The following NHLH1 variants were observed in gnomAD, a reference collection of about 807,000 sequenced individuals.
The protein encoded by NHLH1 is nescient helix-loop-helix 1.
In NHLH1, 3 loss-of-function variants were observed where a neutral mutation model predicts 6.7. The observed-to-expected ratio is 0.44, with a 90% confidence interval of 0.20 to 1.15. The LOEUF (loss-of-function observed/expected upper bound fraction) is 1.15. Among genes scored for constraint, NHLH1 ranks in the 50% most tolerant of loss-of-function variants. The pLI, the probability that NHLH1 is intolerant of heterozygous loss-of-function variation, is 0.26. For missense variants in NHLH1, 177 were observed against 189.5 expected (o/e 0.93, Z 0.39); for synonymous variants, 92 against 84.2 (o/e 1.09, Z -0.51).
At position 160,370,914 on chromosome 1, in the gene NHLH1, G is replaced by C. The variant is rs774099082; in HGVS notation, c.183G>C (p.Leu61=). 1.9e-6 allele frequency: 3 copies of C among 1,607,052 alleles called. No individual in the cohort carries two copies. In the Admixed American group the frequency reaches 5.1e-5, roughly 27 times the overall value. The change falls in exon 2 of 2, where the codon CTG becomes CTC. Residue 61 remains leucine, a synonymous_variant. Coordinates refer to ENST00000302101, the MANE Select transcript of NHLH1 (RefSeq NM_005598.4). ...CTGGCCGGAAAGACCTGCAGCATCT[G>C]AGCCGCGAGGAGCGCCGGCGCCGGC... ...GEPGRKDLQH[L]SREERRRRRR...
intron 1 of NHLH1, among the ~76,000 whole-genome samples, chr1:160,369,281 T>A (rs1338115108): frequency 6.6e-6 from 1 of 152,250 alleles, no homozygotes; most frequent in Non-Finnish European, 1.5e-5. Context: ...ACTTCCTTTT[T>A]AGGGCTGAAT....
intron 1 of NHLH1, among the ~76,000 whole-genome samples, chr1:160,368,093 T>C (rs1383670634): frequency 6.6e-6 from 1 of 152,234 alleles, no homozygotes; most frequent in Non-Finnish European, 1.5e-5. Context: ...TGGCTTGACT[T>C]GAACCTATCT....
In NHLH1 at chr1:160,372,756, G is replaced by C. The variant is rs914943044; in HGVS notation, c.*1623G>C. On this transcript the variant is annotated 3_prime_UTR_variant, in exon 2 of 2. Coordinates refer to ENST00000302101, the MANE Select transcript of NHLH1 (RefSeq NM_005598.4). ...ATACTCCCAAGAGCAGGCCCCAGGG[G>C]TCTGTGTCACATATCTCTGTGTGAT... 2 of 166,670 alleles carry C rather than the reference G, an allele frequency of 1.2e-5. No homozygotes were observed. Among genetic ancestry groups the C allele is most frequent in the African/African-American group, 4.8e-5 (2 of 41,390 alleles). 10.3% of individuals were successfully genotyped at this position (166,670 alleles called of 1,614,324 possible).
chr1:160,370,889 C>CTGG lies in NHLH1; in HGVS notation c.159_161dup (p.Gly54dup). ...GCCCGAGGCCCAGAGCCGGGAGAGC[C>CTGG]TGGCCGGAAAGACCTGCAGCATCTG... On this transcript the variant is annotated inframe_insertion, in exon 2 of 2. Coordinates refer to ENST00000302101, the MANE Select transcript of NHLH1 (RefSeq NM_005598.4). 1 of 1,606,992 alleles carries CTGG rather than the reference C, an allele frequency of 6.2e-7. No individual in the cohort carries two copies. The highest frequency in any genetic ancestry group is 8.5e-7 in the Non-Finnish European group (1 of 1,176,828).
At chr1:160,370,361 T>C (rs1649593891) in intron 1 of NHLH1, among the ~76,000 whole-genome samples, 196 bp from the exon 2 acceptor site, 1 of 152,012 alleles carries the variant, frequency 6.6e-6, no homozygotes, top group South Asian at 2.1e-4. Context: ...CGTCCTCCTC[T>C]TCCTTTCACC....
Position 160,370,821 on chromosome 1 carries a change from G to A in NHLH1, c.90G>A (p.Ala30=), listed in dbSNP as rs374168177. 2.1e-4 allele frequency: 340 copies of A among 1,610,386 alleles called. No homozygotes were observed. In the African/African-American group the frequency reaches 2.5e-3, roughly 12 times the overall value. The change falls in exon 2 of 2, where the codon GCG becomes GCA. Residue 30 remains alanine, a synonymous_variant. Transcript: ENST00000302101. ...ESGFSDCGGG[A]GPDGAGPGGP... is the part of the protein sequence containing the mutation. ...GCTTCAGTGACTGTGGGGGCGGGGC[G>A]GGCCCTGATGGTGCCGGGCCTGGGG...
In NHLH1 at chr1:160,370,747, G is replaced by A. The variant is rs1245227869; in HGVS notation, c.16G>A (p.Asp6Asn). MMLNSDTMELDLPPTH... is the reference protein window; with the variant it reads MMLNSNTMELDLPPTH... ...GGCTTCCATCATGATGCTCAACTCA[G>A]ACACCATGGAGCTGGACCTGCCGCC... Residue 6 changes from aspartate to asparagine, a missense_variant, in exon 2 of 2, where the codon GAC becomes AAC. Physicochemically the swap from Asp to Asn is conservative, Grantham distance 23 (BLOSUM62 1). Transcript: ENST00000302101. 1 of 1,612,918 alleles carries A rather than the reference G, an allele frequency of 6.2e-7. No homozygotes were observed. The highest frequency in any genetic ancestry group is 1.7e-5 in the Admixed American group (1 of 60,006).
rs1204611585 is a variant in NHLH1, at chr1:160,371,097, C to T, written c.366C>T (p.Cys122=). The change falls in exon 2 of 2, where the codon TGC becomes TGT. Residue 122 remains cysteine, a synonymous_variant. Transcript: ENST00000302101. ...TTGAGATTCTGCGCCTGGCCATCTG[C>T]TATATCTCCTACCTGAACCACGTGC... ...SKIEILRLAI[C]YISYLNHVLD... The T allele has an allele frequency of 2.5e-6, 4 of 1,613,404 alleles. No homozygotes were observed. Among genetic ancestry groups the T allele is most frequent in the Non-Finnish European group, 3.4e-6 (4 of 1,179,712 alleles).
Position 160,371,437 on chromosome 1 carries a change from G to A in NHLH1, c.*304G>A, listed in dbSNP as rs1170275523. 4.9e-5 allele frequency: 15 copies of A among 308,670 alleles called. No individual in the cohort carries two copies. The highest frequency in any genetic ancestry group is 2.2e-5 in the African/African-American group (1 of 44,936). The allele number at this position is 308,670 out of a possible 1,614,324, so 19.1% of individuals were successfully genotyped here. On this transcript the variant is annotated 3_prime_UTR_variant, in exon 2 of 2. Transcript: ENST00000302101. ...CTTTACTAAGCCAGCCACACTTGGAGTCTGCCCCCAAGCTCTCTCACTGAA... is the reference window on the plus strand; with the variant it reads ...CTTTACTAAGCCAGCCACACTTGGAATCTGCCCCCAAGCTCTCTCACTGAA...
At position 160,370,697 on chromosome 1, in the gene NHLH1, G is replaced by C; in HGVS notation, c.-35G>C. The C allele has an allele frequency of 6.2e-7, 1 of 1,605,308 alleles. No individual in the cohort carries two copies. Among genetic ancestry groups the C allele is most frequent in the Non-Finnish European group, 8.5e-7 (1 of 1,175,700 alleles). ...AGCTCCCAGAGGGAGGGGTGGGGAG[G>C]GGATCCTGATCTCACAGGGCAGGGG... On this transcript the variant is annotated 5_prime_UTR_variant, in exon 2 of 2. Coordinates refer to ENST00000302101, the MANE Select transcript of NHLH1 (RefSeq NM_005598.4).
chr1:160,368,616 T>C (rs977203859), intron 1 of NHLH1, among the ~76,000 whole-genome samples: 1 of 152,182 alleles, frequency 6.6e-6, no homozygotes, highest in African/African-American at 2.4e-5. Flanking sequence ...AGAAGAGATA[T>C]CTTCCCCTGG....
chr1:160,368,488 T>C (rs1649544669), intron 1 of NHLH1, among the ~76,000 whole-genome samples: 1 of 152,206 alleles, frequency 6.6e-6, no homozygotes. Flanking sequence ...GTTGATTATG[T>C]TCCCTTTCCC....
rs1649626023 is a variant in NHLH1 at position 160,371,471 on chromosome 1, C to T, written c.*338C>T. ...CAAGCTCTCTCACTGAATGCTGCCT[C>T]TTCTACCCCTATGTCCAAATTTTCA... On this transcript the variant is annotated 3_prime_UTR_variant, in exon 2 of 2. Transcript: ENST00000302101. 1 of 243,894 alleles carries T rather than the reference C, an allele frequency of 4.1e-6. No homozygotes were observed. The highest frequency in any genetic ancestry group is 5.3e-5 in the Admixed American group (1 of 18,888). The allele number at this position is 243,894 out of a possible 1,614,324, so 15.1% of individuals were successfully genotyped here.
Position 160,371,976 on chromosome 1 carries a change from G to A in NHLH1, c.*843G>A, listed in dbSNP as rs1441683496. On this transcript the variant is annotated 3_prime_UTR_variant, in exon 2 of 2. Coordinates refer to ENST00000302101, the MANE Select transcript of NHLH1 (RefSeq NM_005598.4). Reference sequence around the variant, plus strand: ...TATTTGCAGAAGGCTCAGGCAACGAGTGGGCCACATCTCACTTCTGCTTCC... The same window carrying A: ...TATTTGCAGAAGGCTCAGGCAACGAATGGGCCACATCTCACTTCTGCTTCC... 1 of 166,940 alleles carries A rather than the reference G, an allele frequency of 6.0e-6. No individual in the cohort carries two copies. The highest frequency in any genetic ancestry group is 1.5e-5 in the Non-Finnish European group (1 of 68,126). The allele number at this position is 166,940 out of a possible 1,614,324, so 10.3% of individuals were successfully genotyped here.
Position 160,371,461 on chromosome 1 carries a change from A to G in NHLH1, c.*328A>G, listed in dbSNP as rs1649625927. 3.8e-6 allele frequency: 1 copy of G among 261,104 alleles called. No individual in the cohort carries two copies. The highest frequency in any genetic ancestry group is 7.8e-6 in the Non-Finnish European group (1 of 128,802). 16.2% of individuals were successfully genotyped at this position (261,104 alleles called of 1,614,324 possible). A position where few individuals can be genotyped will look rare whatever the true frequency, so the allele number is the denominator to read the frequency against. ...AGTCTGCCCCCAAGCTCTCTCACTG[A>G]ATGCTGCCTCTTCTACCCCTATGTC... On this transcript the variant is annotated 3_prime_UTR_variant, in exon 2 of 2. Coordinates refer to ENST00000302101, the MANE Select transcript of NHLH1 (RefSeq NM_005598.4).
chr1:160,370,030 C>T (rs1649587638), intron 1 of NHLH1, among the ~76,000 whole-genome samples: 1 of 152,166 alleles, frequency 6.6e-6, no homozygotes, highest in Non-Finnish European at 1.5e-5. Context: ...AACCCCTTAT[C>T]AGATATATAA....
chr1:160,369,540 A>T (rs1275348014), intron 1 of NHLH1, among the ~76,000 whole-genome samples: 1 of 152,178 alleles, frequency 6.6e-6, no homozygotes, highest in Non-Finnish European at 1.5e-5. Flanking sequence ...ATCATTTTGC[A>T]ATCCCAACAA....
intron 1 of NHLH1, 40 bp from the exon 2 acceptor site, chr1:160,370,517 C>T: frequency 1.9e-6 from 1 of 524,672 alleles, no homozygotes; most frequent in East Asian, 3.7e-5. Context: ...AGCATTCCCT[C>T]CTCCCTCCGC....
At chr1:160,367,984 T>C (rs1051939591) in intron 1 of NHLH1, among the ~76,000 whole-genome samples, 1 of 152,184 alleles carries the variant, frequency 6.6e-6, no homozygotes, top group African/African-American at 2.4e-5. Context: ...GTTCTCAATT[T>C]CAGCACTAAC....
Sources: gnomAD v4.1 joint callset for allele counts (sites outside exome capture counted in the v4.1 genomes callset) on GRCh38, gnomAD v4.1.1 for gene constraint, MANE v1.5 for transcripts, NCBI Gene and HGNC (gene_info 2026-07-23, HGNC 2026-07-21) for gene names.